The following POC5 variants were observed in gnomAD, a reference collection of about 807,000 sequenced individuals.
POC5 encodes centrosomal protein POC5.
A neutral mutation model predicts 62.9 loss-of-function variants in POC5; 48 were observed. That is an observed-to-expected ratio of 0.76 (90% CI 0.61 to 0.97). POC5 has a LOEUF of 0.97. Ranked by LOEUF, POC5 falls within the 50% of genes least tolerant of loss-of-function variation. The pLI is 0.00. For missense variants in POC5, 696 were observed against 679.5 expected, an observed-to-expected ratio of 1.02 and a Z score of -0.27; for synonymous variants, 236 against 228.2, an observed-to-expected ratio of 1.03 and a Z score of -0.31.
chr5:75,707,779 C>G lies in POC5; in HGVS notation c.181G>C (p.Asp61His), dbSNP rs1474010280. 1.9e-6 allele frequency: 3 copies of G among 1,568,380 alleles called. No individual in the cohort carries two copies. Among genetic ancestry groups the G allele is most frequent in the Non-Finnish European group, 1.7e-6 (2 of 1,152,858 alleles). ...TCATGAATTGTAGAAATTCTGACAT[C>G]TGGCACCAATTCTCCCTTAGGATGA... ...SSHPKGELVP[D>H]VRISTIHDIL... The change falls in exon 3 of 12, where the codon GAT becomes CAT. Residue 61 changes from aspartate to histidine, a missense_variant. Transcript: ENST00000428202.
Position 75,712,490 on chromosome 5 carries a change from A to G in POC5, c.84+364T>C, listed in dbSNP as rs117822484. The stretch of plus-strand genomic sequence containing the variant: ...ACACAAGGGAATCTTGAGCTCTAGA[A>G]CTTTGGATGGTTTGATATTGTATTA... On this transcript the variant is annotated intron_variant, in intron 2 of 11. Transcript: ENST00000428202. The G allele has an allele frequency of 8.5e-4, 1,297 of 1,534,688 alleles. 12 individuals carry two copies. In the East Asian group the frequency reaches 0.023, roughly 27 times the overall value.
chr5:75,714,667 G>A (rs879446560), intron 1 of POC5, among the ~76,000 whole-genome samples: 19 of 152,200 alleles, frequency 1.2e-4, no homozygotes, highest in Non-Finnish European at 2.2e-4. Flanking sequence ...AGGAAGATGA[G>A]CAGGTTGGGA....
chr5:75,679,218 A>T (rs1051977447), intron 10 of POC5, among the ~76,000 whole-genome samples: 9 of 152,292 alleles, frequency 5.9e-5, no homozygotes, highest in South Asian at 2.1e-4. Flanking sequence ...AACCAAAACC[A>T]GCTTTGGACA....
chr5:75,714,256 C>T (rs1416315866), intron 1 of POC5, among the ~76,000 whole-genome samples: 1 of 152,122 alleles, frequency 6.6e-6, no homozygotes, highest in African/African-American at 2.4e-5. Flanking sequence ...GTGGCAGGTG[C>T]CTGTAATCCC....
At chr5:75,690,242 A>G (rs1214759418) in intron 8 of POC5, 141 bp downstream of exon 8, 3 of 820,776 alleles carry the variant, frequency 3.7e-6, no homozygotes, top group Admixed American at 6.3e-5. Flanking sequence ...TAAACATTAA[A>G]TTAACACAAG....
At chr5:75,701,785 TTTAC>T (rs2112172762) in intron 5 of POC5, among the ~76,000 whole-genome samples, 1 of 152,284 alleles carries the variant, frequency 6.6e-6, no homozygotes, top group South Asian at 2.1e-4. Flanking sequence ...AATACTTTGT[TTTAC>T]TTAAAGGCCA....
intron 1 of POC5, among the ~76,000 whole-genome samples, chr5:75,713,945 AG>A (rs1297258602): frequency 6.6e-6 from 1 of 152,262 alleles, no homozygotes; most frequent in African/African-American, 2.4e-5. Context: ...ACAAAAAGTA[AG>A]GAGCAGCCAG....
At chr5:75,693,033 TTA>T (rs960798547) in intron 6 of POC5, among the ~76,000 whole-genome samples, 63 of 147,244 alleles carry the variant, frequency 4.3e-4, no homozygotes, top group African/African-American at 1.1e-3. Context: ...TAACTATATA[TTA>T]TATATGTTAT....
In POC5 at chr5:75,674,499, A is replaced by G. The variant is rs1447488183; in HGVS notation, c.1664T>C (p.Leu555Pro). The G allele has an allele frequency of 2.5e-6, 4 of 1,613,880 alleles. No homozygotes were observed. Among genetic ancestry groups the G allele is most frequent in the Non-Finnish European group, 3.4e-6 (4 of 1,179,862 alleles). ...CTGGGTGTGAGCTGATCTGGTTCCA[A>G]GTGATCTGGAAGCTGAGGTACTACT... ...PESSTSASRS[L>P]GTRSAHTQSL... The change falls in exon 12 of 12, where the codon CTT (leucine) becomes CCT (proline). Residue 555 changes from leucine (L) to proline (P), a missense_variant. Physicochemically the swap from Leu to Pro is moderately conservative, Grantham distance 98. Coordinates refer to ENST00000428202, the MANE Select transcript of POC5 (RefSeq NM_001099271.2).
intron 10 of POC5, among the ~76,000 whole-genome samples, chr5:75,683,901 G>A (rs770496134): frequency 1.3e-5 from 2 of 152,046 alleles, no homozygotes; most frequent in Non-Finnish European, 2.9e-5. Context: ...ATGAGGTCTC[G>A]CTATATTGCC....
chr5:75,690,696 T>G, intron 7 of POC5, 134 bp from the exon 8 acceptor site: 1 of 832,252 alleles, frequency 1.2e-6, no homozygotes, highest in Admixed American at 3.1e-5. Context: ...TATTCTCATC[T>G]TGCATATAGG....
chr5:75,680,941 T>C (rs1561461352), intron 10 of POC5, among the ~76,000 whole-genome samples: 2 of 152,182 alleles, frequency 1.3e-5, no homozygotes, highest in African/African-American at 4.8e-5. Context: ...TATCATTCTC[T>C]GCAAATTAAA....
chr5:75,696,457 C>T lies in POC5; in HGVS notation c.514-1626G>A, dbSNP rs145810044. On this transcript the variant is annotated intron_variant, in intron 5 of 11. Coordinates refer to ENST00000428202, the MANE Select transcript of POC5 (RefSeq NM_001099271.2). ...ACCCCCCAGCAGAGGCAGACTGACA[C>T]CTCACACGGCCGGGTACTCCAACAG... Among the ~76,000 whole-genome samples, 663 of 152,270 alleles carry T rather than the reference C, an allele frequency of 4.4e-3. 3 individuals are homozygous for T. The highest frequency in any genetic ancestry group is 7.1e-3 in the Non-Finnish European group (482 of 68,028).
chr5:75,689,131 A>G lies in POC5; in HGVS notation c.1010T>C (p.Ile337Thr), dbSNP rs1447300986. 1 of 1,571,954 alleles carries G rather than the reference A, an allele frequency of 6.4e-7. No individual in the cohort carries two copies. The highest frequency in any genetic ancestry group is 8.6e-7 in the Non-Finnish European group (1 of 1,158,250). Residue 337 changes from isoleucine (I) to threonine (T), a missense_variant, in exon 9 of 12, where the codon ATT becomes ACT. Physicochemically the swap from Ile to Thr is moderately conservative, Grantham distance 89. Transcript: ENST00000428202. ...CTCTTTTTCATGTTGCATTCTTTGA[A>G]TCTCAGCTTTTGCATTTTCCAAAGC... is the stretch of plus-strand genomic sequence containing the variant. ...SGALENAKAE[I>T]QRMQHEKEHF...
intron 10 of POC5, 104 bp from the exon 11 acceptor site, chr5:75,678,054 C>G (rs2303647): frequency 1.1e-6 from 1 of 925,728 alleles, no homozygotes; most frequent in African/African-American, 1.7e-5. Flanking sequence ...CTTAAAATAA[C>G]TGTATGTTCA....
chr5:75,689,459 T>TA (rs1561467122), intron 8 of POC5: 10 of 984,766 alleles, frequency 1.0e-5, no homozygotes, highest in Non-Finnish European at 1.2e-5. Context: ...CACCATTTTT[T>TA]ACTGTAAAAC....
At chr5:75,714,200 C>T (rs761982999) in intron 1 of POC5, among the ~76,000 whole-genome samples, 2 of 151,818 alleles carry the variant, frequency 1.3e-5, no homozygotes, top group African/African-American at 2.4e-5. Flanking sequence ...GCCAACATGG[C>T]GAAACCCTGT....
intron 5 of POC5, among the ~76,000 whole-genome samples, chr5:75,698,643 T>G (rs542114682): frequency 1.3e-5 from 2 of 151,788 alleles, no homozygotes; most frequent in African/African-American, 4.8e-5. Context: ...CACCCTAACT[T>G]CACAATTAAA....
At chr5:75,689,260 G>A (rs1252998857) in intron 8 of POC5, 95 bp from the exon 9 acceptor site, 18 of 1,382,454 alleles carry the variant, frequency 1.3e-5, no homozygotes, top group Non-Finnish European at 1.5e-5. Context: ...ATTCTCATGT[G>A]AAATATTAAA....
Sources: allele counts gnomAD v4.1 joint callset (sites outside exome capture counted in the v4.1 genomes callset), GRCh38; gene constraint gnomAD v4.1.1; transcripts MANE v1.5; gene names NCBI Gene and HGNC (gene_info 2026-07-23, HGNC 2026-07-21).